Variants in RXFP2 observed in about 807,000 individuals in gnomAD.
RXFP2 encodes relaxin receptor 2.
In RXFP2, 68 loss-of-function variants were observed where a neutral mutation model predicts 88.6. The ratio of observed to expected loss-of-function variants is 0.77; its 90% CI spans 0.63 to 0.94. RXFP2 has a LOEUF of 0.94. Among genes scored for constraint, RXFP2 ranks in the 40% least tolerant of loss-of-function variants. The pLI is 0.00. For missense variants in RXFP2, 791 were observed against 893.9 expected, an observed-to-expected ratio of 0.88 and a Z score of 1.47; for synonymous variants, 329 against 306.8, an observed-to-expected ratio of 1.07 and a Z score of -0.76.
chr13:31,774,750 A>G (rs1872869033), intron 6 of RXFP2, 59 bp downstream of exon 6: 2 of 924,726 alleles, frequency 2.2e-6, no homozygotes, highest in Admixed American at 1.7e-5. Context: ...AAAAGGATAG[A>G]ATGGTACTTT....
At chr13:31,779,317 G>T (rs1873153957) in intron 9 of RXFP2, among the ~76,000 whole-genome samples, 1 of 151,898 alleles carries the variant, frequency 6.6e-6, no homozygotes. Context: ...GTACAGATGG[G>T]GTTTCACCAT....
At chr13:31,767,083 A>G (rs558781846) in intron 5 of RXFP2, among the ~76,000 whole-genome samples, 90 of 152,350 alleles carry the variant, frequency 5.9e-4, no homozygotes, top group African/African-American at 2.1e-3. Context: ...ATTTATGAAA[A>G]TCCAGGAATA....
At chr13:31,747,708 A>C (rs192282538) in intron 1 of RXFP2, among the ~76,000 whole-genome samples, 5 of 152,362 alleles carry the variant, frequency 3.3e-5, no homozygotes, top group Non-Finnish European at 5.9e-5. Flanking sequence ...ATTACTTTTA[A>C]TGGCAAAAAC....
chr13:31,766,326 A>G (rs534085570), intron 5 of RXFP2, among the ~76,000 whole-genome samples: 2 of 152,230 alleles, frequency 1.3e-5, no homozygotes, highest in South Asian at 2.1e-4. Flanking sequence ...GGAAAATGAC[A>G]TTGCAGATTC....
In RXFP2 at chr13:31,802,364, A is replaced by T; in HGVS notation, c.2224A>T (p.Lys742Ter). 6.2e-7 allele frequency: 1 copy of T among 1,614,154 alleles called. No individual in the cohort carries two copies. The highest frequency in any genetic ancestry group is 1.1e-5 in the South Asian group (1 of 91,080). Residue 742 changes from lysine to a stop codon, truncating the protein, a stop_gained, in exon 18 of 18, where the codon AAA becomes TAA. Coordinates refer to ENST00000298386, the MANE Select transcript of RXFP2 (RefSeq NM_130806.5). LOFTEE classifies it high-confidence loss of function. ...TTCCCTGAAACTTGGGGTTTTGAAC[A>T]AAATAACACTTGGAGACAGTATAAT... ...SSSLKLGVLN[K>*]ITLGDSIMKP...
intron 1 of RXFP2, among the ~76,000 whole-genome samples, chr13:31,748,566 T>C (rs771516874): frequency 2.0e-5 from 3 of 152,246 alleles, no homozygotes; most frequent in Non-Finnish European, 4.4e-5. Flanking sequence ...TTGCCCATTT[T>C]TCTATTTACC....
intron 2 of RXFP2, among the ~76,000 whole-genome samples, chr13:31,758,970 C>T (rs1022131468): frequency 6.6e-6 from 1 of 151,986 alleles, no homozygotes; most frequent in Non-Finnish European, 1.5e-5. Flanking sequence ...ATTGCCTGAA[C>T]CCGGGAGGCA....
intron 5 of RXFP2, among the ~76,000 whole-genome samples, chr13:31,767,834 T>C (rs1872603683): frequency 6.6e-6 from 1 of 152,170 alleles, no homozygotes; most frequent in African/African-American, 2.4e-5. Context: ...CAGCACAGAC[T>C]GTCCCACCCC....
At chr13:31,776,999 T>C (rs541275424) in intron 7 of RXFP2, among the ~76,000 whole-genome samples, 7 of 152,298 alleles carry the variant, frequency 4.6e-5, no homozygotes, top group African/African-American at 1.7e-4. Context: ...AATTATACTT[T>C]AATTCATCCT....
intron 10 of RXFP2, 87 bp downstream of exon 10, chr13:31,781,829 T>C (rs944922861): frequency 1.9e-6 from 2 of 1,048,184 alleles, no homozygotes; most frequent in Non-Finnish European, 1.5e-6. Context: ...AATTTTAAAG[T>C]AGTGTTTTGT....
chr13:31,779,070 G>A (rs1051254890), intron 9 of RXFP2, among the ~76,000 whole-genome samples: 9 of 151,336 alleles, frequency 5.9e-5, no homozygotes, highest in Non-Finnish European at 1.0e-4. Context: ...CCCTGTCTCA[G>A]GGTACTATCT....
At position 31,803,243 on chromosome 13, in the gene RXFP2, T is replaced by C. The variant is rs1874437795; in HGVS notation, c.*838T>C. 6.6e-6 allele frequency: 1 copy of C among 152,230 alleles called. No individual in the cohort carries two copies. Among genetic ancestry groups the C allele is most frequent in the African/African-American group, 2.4e-5 (1 of 41,470 alleles). 9.4% of individuals were successfully genotyped at this position (152,230 alleles called of 1,614,324 possible). A position where few individuals can be genotyped will look rare whatever the true frequency, so the allele number is the denominator to read the frequency against. On this transcript the variant is annotated 3_prime_UTR_variant, in exon 18 of 18. Coordinates refer to ENST00000298386, the MANE Select transcript of RXFP2 (RefSeq NM_130806.5). The stretch of plus-strand genomic sequence containing the variant: ...ATGGGATTCAAGAATTATGGTTTTA[T>C]TTGGGACTGTTTGCATACTCACAAT...
chr13:31,782,860 G>C, intron 11 of RXFP2, 113 bp downstream of exon 11: 1 of 706,448 alleles, frequency 1.4e-6, no homozygotes, highest in Non-Finnish European at 2.5e-6. Context: ...GTAGACTATT[G>C]GATATTAAAA....
chr13:31,765,476 GT>G (rs776829077), intron 4 of RXFP2, among the ~76,000 whole-genome samples: 1 of 150,714 alleles, frequency 6.6e-6, no homozygotes, highest in African/African-American at 2.4e-5. Context: ...CTTATTCTAC[GT>G]TTTTTTTAAC....
chr13:31,746,043 A>T (rs1171022456), intron 1 of RXFP2, among the ~76,000 whole-genome samples: 1 of 152,210 alleles, frequency 6.6e-6, no homozygotes, highest in African/African-American at 2.4e-5. Flanking sequence ...ATACCAAATA[A>T]CTTCTCCGCT....
chr13:31,752,844 T>G (rs1469840793), intron 1 of RXFP2, among the ~76,000 whole-genome samples: 1 of 152,196 alleles, frequency 6.6e-6, no homozygotes, highest in Non-Finnish European at 1.5e-5. Flanking sequence ...ATGGACGCTG[T>G]CTGCTTTGCT....
intron 2 of RXFP2, among the ~76,000 whole-genome samples, chr13:31,759,392 A>AGAAAGAAAGAAAGAAAGAAG (rs1872159264): frequency 7.0e-6 from 1 of 143,010 alleles, no homozygotes; most frequent in Non-Finnish European, 1.5e-5. Flanking sequence ...AAAGAAAGAA[A>AGAAAGAAAGAAAGAAAGAAG]GAAAGAAAGA....
At chr13:31,781,242 T>A (rs1873255199) in intron 9 of RXFP2, among the ~76,000 whole-genome samples, 1 of 152,198 alleles carries the variant, frequency 6.6e-6, no homozygotes, top group Non-Finnish European at 1.5e-5. Flanking sequence ...TTCTACCACT[T>A]ACTAGCTGTG....
In RXFP2 at chr13:31,791,409, C is replaced by T. The variant is rs78931632; in HGVS notation, c.1146-397C>T. Among the ~76,000 whole-genome samples, 515 of 152,218 alleles carry T rather than the reference C, an allele frequency of 3.4e-3. 6 individuals are homozygous for T. Among genetic ancestry groups the T allele is most frequent in the African/African-American group, 0.011 (470 of 41,534 alleles). On this transcript the variant is annotated intron_variant, in intron 14 of 17. Coordinates refer to ENST00000298386, the MANE Select transcript of RXFP2 (RefSeq NM_130806.5). The stretch of plus-strand genomic sequence containing the variant: ...ACAAGACAGAAATGTTCTAGGTGAG[C>T]GACAATAGGCTTTTCCCATCCCAAG...
Sources: allele counts gnomAD v4.1 joint callset (sites outside exome capture counted in the v4.1 genomes callset), GRCh38; gene constraint gnomAD v4.1.1; transcripts MANE v1.5; gene names NCBI Gene and HGNC (gene_info 2026-07-23, HGNC 2026-07-21).